Variants in LARGE1 observed in about 807,000 individuals in gnomAD.
LARGE1 encodes LARGE xylosyl- and glucuronyltransferase 1.
In LARGE1, 43 loss-of-function variants were observed where a neutral mutation model predicts 87.6. The ratio of observed to expected loss-of-function variants is 0.49; its 90% CI spans 0.38 to 0.63. The LOEUF (loss-of-function observed/expected upper bound fraction) is 0.63, where lower values mean the gene tolerates loss of function less well. LARGE1 is among the 30% of genes least tolerant of loss of function. The pLI, the probability that LARGE1 is intolerant of heterozygous loss-of-function variation, is 0.00. For missense variants in LARGE1, 802 were observed against 1,000.2 expected, an observed-to-expected ratio of 0.80 and a Z score of 2.67; for synonymous variants, 434 against 394.6, an observed-to-expected ratio of 1.10 and a Z score of -1.18.
At chr22:33,252,695 T>C (rs780831481) in intron 11 of LARGE1, among the ~76,000 whole-genome samples, 3 of 152,240 alleles carry the variant, frequency 2.0e-5, no homozygotes, top group Admixed American at 6.5e-5. Flanking sequence ...GGTGGTGTTA[T>C]TTACAACTTT....
At chr22:33,757,264 T>C (rs1397797217) in intron 2 of LARGE1, among the ~76,000 whole-genome samples, 2 of 152,332 alleles carry the variant, frequency 1.3e-5, no homozygotes, top group Admixed American at 6.5e-5. Context: ...CCTGCTTCCA[T>C]GCTCAGGAGC....
At chr22:33,865,328 G>A (rs1007838458) in intron 1 of LARGE1, among the ~76,000 whole-genome samples, 8 of 152,172 alleles carry the variant, frequency 5.3e-5, no homozygotes, top group South Asian at 2.1e-4. Context: ...CTCTGACCTC[G>A]AAGTAGATTT....
rs151014657 is a variant in LARGE1, at chr22:33,687,865, T to C, written c.107-37197A>G. On this transcript the variant is annotated intron_variant, in intron 2 of 14. Transcript: ENST00000397394. ...ACTAATATTTGTCCTATTCTTTATCTGACGGAGCCTCCACTCACCTTCTCT... is the reference window on the plus strand; with the variant it reads ...ACTAATATTTGTCCTATTCTTTATCCGACGGAGCCTCCACTCACCTTCTCT... Among the ~76,000 whole-genome samples the C allele has an allele frequency of 9.0e-4, 137 of 152,324 alleles. 2 individuals carry two copies. The highest frequency in any genetic ancestry group is 1.5e-3 in the Admixed American group (23 of 15,298).
chr22:33,442,893 C>T (rs540333028), intron 6 of LARGE1, among the ~76,000 whole-genome samples: 12 of 151,700 alleles, frequency 7.9e-5, no homozygotes, highest in Non-Finnish European at 1.3e-4. Flanking sequence ...CCCGGGTTCA[C>T]GCCATTCTCC....
chr22:33,175,939 C>T (rs998830959), intron 11 of LARGE1, among the ~76,000 whole-genome samples: 1 of 152,168 alleles, frequency 6.6e-6, no homozygotes, highest in Non-Finnish European at 1.5e-5. Flanking sequence ...CAGCATGGTA[C>T]TGGTACCAAA....
chr22:33,810,313 T>C (rs980375799), intron 1 of LARGE1, among the ~76,000 whole-genome samples: 5 of 152,138 alleles, frequency 3.3e-5, no homozygotes, highest in East Asian at 1.9e-4. Context: ...CCCAAAGCCA[T>C]AGCCCGATAC....
At position 33,716,550 on chromosome 22, in the gene LARGE1, C is replaced by T. The variant is rs187114060; in HGVS notation, c.106+44821G>A. Among the ~76,000 whole-genome samples, 524 of 152,260 alleles carry T rather than the reference C, an allele frequency of 3.4e-3. 8 individuals carry two copies. The highest frequency in any genetic ancestry group is 1.9e-3 in the East Asian group (10 of 5,178). ...TAGCTGGGACCACAGGCAAGTACCA[C>T]CACACCCAGCTAACTTACATTATTT... On this transcript the variant is annotated intron_variant, in intron 2 of 14. Transcript: ENST00000397394.
chr22:33,319,498 T>G (rs1437384726), intron 10 of LARGE1, among the ~76,000 whole-genome samples: 2 of 152,078 alleles, frequency 1.3e-5, no homozygotes, highest in African/African-American at 4.8e-5. Flanking sequence ...CGGGTTCAAG[T>G]GATTCTCTGG....
At chr22:33,419,789 C>T (rs963216431) in intron 7 of LARGE1, among the ~76,000 whole-genome samples, 9 of 152,092 alleles carry the variant, frequency 5.9e-5, no homozygotes, top group Non-Finnish European at 8.8e-5. Context: ...CTCCTGGGTC[C>T]GAGCGATTCT....
chr22:33,788,287 C>T (rs2085716172), intron 1 of LARGE1, among the ~76,000 whole-genome samples: 1 of 152,150 alleles, frequency 6.6e-6, no homozygotes, highest in African/African-American at 2.4e-5. Context: ...GTAAGACGTG[C>T]CTTTGCTTCT....
intron 1 of LARGE1, among the ~76,000 whole-genome samples, chr22:33,761,799 C>G (rs972217419): frequency 6.6e-6 from 1 of 152,132 alleles, no homozygotes; most frequent in Non-Finnish European, 1.5e-5. Flanking sequence ...AACACGCACA[C>G]ACACATACAC....
chr22:33,351,757 T>C (rs1466476643), intron 9 of LARGE1, among the ~76,000 whole-genome samples: 1 of 25,242 alleles, frequency 4.0e-5, no homozygotes, highest in East Asian at 3.2e-3. Context: ...ATTAGAAACT[T>C]TTTTTTTTTT....
intron 1 of LARGE1, among the ~76,000 whole-genome samples, chr22:33,884,337 T>C (rs1251161925): frequency 6.6e-6 from 1 of 152,226 alleles, no homozygotes. Context: ...ACGTTGACCC[T>C]CTTTCCTCTG....
intron 2 of LARGE1, among the ~76,000 whole-genome samples, chr22:33,676,908 C>T (rs1430418169): frequency 6.6e-6 from 1 of 152,138 alleles, no homozygotes; most frequent in Non-Finnish European, 1.5e-5. Flanking sequence ...GAAGACCTCT[C>T]AGATTCTTCA....
chr22:33,187,921 C>CAAAAAAAAAAAAAAAAAAAAAAA (rs578115819), intron 11 of LARGE1, among the ~76,000 whole-genome samples: 2 of 36,912 alleles, frequency 5.4e-5, no homozygotes, highest in African/African-American at 1.5e-4. Context: ...GACTCCGTCT[C>CAAAAAAAAAAAAAAAAAAAAAAA]AAAAAAAAAA....
intron 13 of LARGE1, among the ~76,000 whole-genome samples, chr22:33,280,964 G>T (rs1450230879): frequency 6.6e-6 from 1 of 152,184 alleles, no homozygotes; most frequent in South Asian, 2.1e-4. Flanking sequence ...TCCAGGGACC[G>T]CATTCTGGAG....
chr22:33,472,659 GAAA>G (rs972115855), intron 6 of LARGE1, among the ~76,000 whole-genome samples: 3 of 152,120 alleles, frequency 2.0e-5, no homozygotes, highest in African/African-American at 4.8e-5. Context: ...TCATTTTAGT[GAAA>G]AAGACGTCAA....
At chr22:33,594,028 A>T (rs1204104751) in intron 5 of LARGE1, among the ~76,000 whole-genome samples, 1 of 152,228 alleles carries the variant, frequency 6.6e-6, no homozygotes, top group Non-Finnish European at 1.5e-5. Flanking sequence ...AGATTATGCA[A>T]GTTAAGCATA....
chr22:33,248,624 T>C (rs560484484), intron 11 of LARGE1, among the ~76,000 whole-genome samples: 35 of 152,228 alleles, frequency 2.3e-4, no homozygotes, highest in Non-Finnish European at 4.3e-4. Flanking sequence ...GTCCATTCTG[T>C]GGGTCTGGAA....
Sources: allele counts gnomAD v4.1 joint callset (sites outside exome capture counted in the v4.1 genomes callset), GRCh38; gene constraint gnomAD v4.1.1; transcripts MANE v1.5; gene names NCBI Gene and HGNC (gene_info 2026-07-23, HGNC 2026-07-21).